The following SORL1 variants were observed in gnomAD, a reference collection of about 807,000 sequenced individuals.
The protein encoded by SORL1 is sortilin-related receptor.
In SORL1, 127 loss-of-function variants were observed where a neutral mutation model predicts 273.7. The ratio of observed to expected loss-of-function variants is 0.46; its 90% confidence interval spans 0.40 to 0.54. SORL1 has a LOEUF of 0.54. SORL1 is among the 20% of genes least tolerant of loss of function. SORL1 has a pLI of 0.00. For missense variants in SORL1, 2,494 were observed against 2,846.1 expected (o/e 0.88, Z 2.81); for synonymous variants, 1,031 against 1,067.4 (o/e 0.97, Z 0.66).
Position 121,614,975 on chromosome 11 carries a change from C to G in SORL1, c.5524C>G (p.Arg1842Gly). The G allele has an allele frequency of 6.2e-7, 1 of 1,613,644 alleles. No individual in the cohort carries two copies. Among genetic ancestry groups the G allele is most frequent in the Non-Finnish European group, 8.5e-7 (1 of 1,179,828 alleles). ...TGAGCATGTTATGACCAGAGGGGTT[C>G]GCCCACCTGCACCTAGCCTCAAGGC... is the stretch of plus-strand genomic sequence containing the variant. ...AFEHVMTRGV[R>G]PPAPSLKAKA... is the part of the protein sequence containing the mutation. The change falls in exon 41 of 48, where the codon CGC becomes GGC. Residue 1842 changes from arginine (R) to glycine (G), a missense_variant. Physicochemically the swap from Arg to Gly is moderately radical, Grantham distance 125. This residue lies in a region of SORL1 where 1,609 missense variants were observed against 1,816.4 expected (regional missense o/e 0.89). Coordinates refer to ENST00000260197, the MANE Select transcript of SORL1 (RefSeq NM_003105.6).
intron 2 of SORL1, among the ~76,000 whole-genome samples, chr11:121,475,790 G>A (rs1861258214): frequency 6.6e-6 from 1 of 152,084 alleles, no homozygotes; most frequent in Admixed American, 6.5e-5. Context: ...TTCACTTCTG[G>A]GAATCTTAGT....
In SORL1 at chr11:121,552,351, G is replaced by A. The variant is rs138338713; in HGVS notation, c.2267-1586G>A. Among the ~76,000 whole-genome samples the A allele has an allele frequency of 1.2e-3, 178 of 152,274 alleles. 2 individuals are homozygous for A. Among genetic ancestry groups the A allele is most frequent in the Non-Finnish European group, 2.2e-3 (151 of 68,022 alleles). On this transcript the variant is annotated intron_variant, in intron 16 of 47. Coordinates refer to ENST00000260197, the MANE Select transcript of SORL1 (RefSeq NM_003105.6). ...GCCAAGAATTCCATTCCTTTTCCAG[G>A]TTAAGCATTGCGCGCTGGAATGCCG...
At chr11:121,579,201 A>G (rs1158572499) in intron 25 of SORL1, among the ~76,000 whole-genome samples, 3 of 152,224 alleles carry the variant, frequency 2.0e-5, no homozygotes, top group African/African-American at 7.2e-5. Flanking sequence ...GAGAAAACTT[A>G]AGAGTCCTTG....
At chr11:121,561,745 C>T (rs1427881761) in intron 21 of SORL1, among the ~76,000 whole-genome samples, 1 of 149,302 alleles carries the variant, frequency 6.7e-6, no homozygotes, top group Admixed American at 6.7e-5. Flanking sequence ...AGAACACAGA[C>T]CTGGACCTGT....
chr11:121,456,073 C>T (rs1860899719), intron 1 of SORL1, among the ~76,000 whole-genome samples: 1 of 151,800 alleles, frequency 6.6e-6, no homozygotes, highest in Non-Finnish European at 1.5e-5. Flanking sequence ...TTCCCTAATT[C>T]ATGCCACACT....
Position 121,503,616 on chromosome 11 carries a change from T to G in SORL1, c.939+6567T>G, listed in dbSNP as rs139776430. 4.8e-3 allele frequency among the ~76,000 whole-genome samples: 734 copies of G among 152,114 alleles called. 5 individuals carry two copies. Among genetic ancestry groups the G allele is most frequent in the African/African-American group, 0.017 (704 of 41,474 alleles). On this transcript the variant is annotated intron_variant, in intron 6 of 47. Coordinates refer to ENST00000260197, the MANE Select transcript of SORL1 (RefSeq NM_003105.6). ...GGTCCTCCTGCCCCAGCCTCCTGAG[T>G]AGCTGCAACTGCAGGCATTCACCAC...
intron 9 of SORL1, among the ~76,000 whole-genome samples, chr11:121,521,291 C>G (rs1363722186): frequency 1.3e-5 from 2 of 152,118 alleles, no homozygotes; most frequent in Admixed American, 6.5e-5. Flanking sequence ...CTTACCACAT[C>G]AAATCTAATT....
At chr11:121,497,142 G>A (rs1326347012) in intron 6 of SORL1, 93 bp downstream of exon 6, 12 of 1,026,864 alleles carry the variant, frequency 1.2e-5, no homozygotes, top group Non-Finnish European at 1.7e-5. Flanking sequence ...GCATACACAG[G>A]AATTGGAAGG....
At position 121,567,192 on chromosome 11, in the gene SORL1, C is replaced by G. The variant is rs544882572; in HGVS notation, c.3223+79C>G. The stretch of plus-strand genomic sequence containing the variant: ...CCCGCCAGGGGAGGGAGGGATAGCT[C>G]TCTGTTTCCTAACCTTTTCGTGTTA... On this transcript the variant is annotated intron_variant, in intron 22 of 47. Coordinates refer to ENST00000260197, the MANE Select transcript of SORL1 (RefSeq NM_003105.6). 3.9e-5 allele frequency: 48 copies of G among 1,232,076 alleles called. No individual in the cohort carries two copies. In the South Asian group the frequency reaches 6.4e-4, roughly 16 times the overall value. 76.3% of individuals were successfully genotyped at this position (1,232,076 alleles called of 1,614,324 possible). A position where few individuals can be genotyped will look rare whatever the true frequency, so the allele number is the denominator to read the frequency against.
Position 121,558,778 on chromosome 11 carries a change from C to T in SORL1, c.2851C>T (p.Gln951Ter). The T allele has an allele frequency of 6.2e-7, 1 of 1,614,114 alleles. No homozygotes were observed. Among genetic ancestry groups the T allele is most frequent in the Non-Finnish European group, 8.5e-7 (1 of 1,180,024 alleles). Reference sequence around the variant, plus strand: ...CATAGAGCGGATCACGTTCAGTGGCCAGCAGCGCTCTGTCATTCTGGACAA... The same window carrying T: ...CATAGAGCGGATCACGTTCAGTGGCTAGCAGCGCTCTGTCATTCTGGACAA... ...ECIERITFSGQQRSVILDNLP... is the reference protein window; with the variant it reads ...ECIERITFSG Residue 951 changes from glutamine to a stop codon, truncating the protein, a stop_gained, in exon 20 of 48, where the codon CAG becomes TAG. Transcript: ENST00000260197. LOFTEE classifies it high-confidence loss of function.
chr11:121,492,498 T>C (rs755241313), intron 5 of SORL1, among the ~76,000 whole-genome samples: 3 of 152,240 alleles, frequency 2.0e-5, no homozygotes, highest in Admixed American at 2.0e-4. Flanking sequence ...CTTTACCACA[T>C]TCTAATATAC....
intron 44 of SORL1, 130 bp downstream of exon 44, chr11:121,621,368 C>T: frequency 1.3e-6 from 1 of 794,740 alleles, no homozygotes; most frequent in Non-Finnish European, 2.0e-6. Context: ...CTTCAATATT[C>T]CTACAGGGGC....
intron 1 of SORL1, among the ~76,000 whole-genome samples, chr11:121,463,645 G>A (rs1861037869): frequency 6.6e-6 from 1 of 152,138 alleles, no homozygotes; most frequent in African/African-American, 2.4e-5. Flanking sequence ...TTCCTCATCT[G>A]GAAAATGGGC....
At chr11:121,597,419 A>C (rs1317577172) in intron 32 of SORL1, among the ~76,000 whole-genome samples, 3 of 150,754 alleles carry the variant, frequency 2.0e-5, no homozygotes, top group African/African-American at 7.3e-5. Flanking sequence ...GGCATTGATC[A>C]GGTTTCTGGC....
intron 39 of SORL1, 97 bp downstream of exon 39, chr11:121,611,255 C>CA (rs1314573589): frequency 6.3e-6 from 5 of 795,142 alleles, no homozygotes; most frequent in Non-Finnish European, 1.0e-5. Flanking sequence ...AAACAAAAAA[C>CA]AAAAAACAAA....
At chr11:121,574,200 A>T in intron 23 of SORL1, 41 bp from the exon 24 acceptor site, 1 of 1,605,012 alleles carries the variant, frequency 6.2e-7, no homozygotes, top group Non-Finnish European at 8.5e-7. Flanking sequence ...TGGGAAATCA[A>T]TTGTACCTAA....
intron 18 of SORL1, among the ~76,000 whole-genome samples, chr11:121,556,432 C>T (rs895234328): frequency 2.6e-5 from 4 of 152,096 alleles, no homozygotes; most frequent in African/African-American, 9.7e-5. Flanking sequence ...TTTTGTCCAC[C>T]TCCTGGGGAT....
chr11:121,583,605 C>A, intron 26 of SORL1, 22 bp downstream of exon 26: 1 of 1,591,902 alleles, frequency 6.3e-7, no homozygotes, highest in Non-Finnish European at 8.6e-7. Flanking sequence ...TTCCCCAGCT[C>A]CCTCCCTGAG....
In SORL1 at chr11:121,627,812, C is replaced by G. The variant is rs747989937; in HGVS notation, c.6577+45C>G. 147 of 1,408,638 alleles carry G rather than the reference C, an allele frequency of 1.0e-4. No homozygotes were observed. Among genetic ancestry groups the G allele is most frequent in the Middle Eastern group, 4.8e-4 (2 of 4,168 alleles). The allele number at this position is 1,408,638 out of a possible 1,614,324, so 87.3% of individuals were successfully genotyped here. A position where few individuals can be genotyped will look rare whatever the true frequency, so the allele number is the denominator to read the frequency against. ...TCGGTTCTTCCTCCCAGGGCTGACC[C>G]CCACGCAGCCAATGACTTGATTAGG... On this transcript the variant is annotated intron_variant, in intron 47 of 47. Transcript: ENST00000260197. The surrounding 1 kb of genome is among the most constrained non-coding windows in gnomAD (Gnocchi z 4.9).
Sources: gnomAD v4.1 joint callset for allele counts (sites outside exome capture counted in the v4.1 genomes callset) on GRCh38, gnomAD v4.1.1 for gene constraint, gnomAD v4.1.1 regional missense constraint, Gnocchi (gnomAD v3.1) non-coding constraint, MANE v1.5 for transcripts, NCBI Gene and HGNC (gene_info 2026-07-23, HGNC 2026-07-21) for gene names.